Variants in MALRD1 observed in about 807,000 individuals in gnomAD.
MALRD1 encodes the protein MAM and LDL receptor class A domain containing 1, also known as MAM and LDL-receptor class A domain-containing protein 1.
A neutral mutation model predicts 242.1 loss-of-function variants in MALRD1; 247 were observed. The observed-to-expected ratio is 1.02, with a 90% CI of 0.92 to 1.13. The LOEUF (loss-of-function observed/expected upper bound fraction) is 1.13. Ranked by LOEUF, MALRD1 falls within the 50% of genes most tolerant of loss-of-function variation. The pLI, the probability that MALRD1 is intolerant of heterozygous loss-of-function variation, is 0.00. For synonymous variants in MALRD1, 995 were observed against 866.6 expected (o/e 1.15, Z -2.60); for missense variants, 2,989 against 2,533.1 (o/e 1.18, Z -3.86).
chr10:19,701,993 A>G (rs991240766), intron 38 of MALRD1, among the ~76,000 whole-genome samples: 1 of 152,056 alleles, frequency 6.6e-6, no homozygotes, highest in Non-Finnish European at 1.5e-5. Context: ...TTCTTATTTC[A>G]TTGACTGGAC....
chr10:19,693,318 A>G (rs1429069116), intron 38 of MALRD1, among the ~76,000 whole-genome samples: 1 of 152,068 alleles, frequency 6.6e-6, no homozygotes, highest in African/African-American at 2.4e-5. Flanking sequence ...TTGTATATCT[A>G]GAAAACCCCA....
At chr10:19,103,562 A>T (rs374421600) in intron 4 of MALRD1, among the ~76,000 whole-genome samples, 2,149 of 142,656 alleles carry the variant, frequency 0.015, 69 homozygotes, top group African/African-American at 0.053. Context: ...AAAAAAAAAA[A>T]AAATAAATAA....
At chr10:19,720,881 G>A (rs535630016) in intron 38 of MALRD1, among the ~76,000 whole-genome samples, 89 of 152,176 alleles carry the variant, frequency 5.8e-4, no homozygotes, top group African/African-American at 1.9e-3. Flanking sequence ...TTTGAGAAAA[G>A]AAAGATGATA....
chr10:19,615,977 T>A, intron 36 of MALRD1, 54 bp downstream of exon 36: 1 of 1,287,682 alleles, frequency 7.8e-7, no homozygotes, highest in Non-Finnish European at 1.1e-6. Context: ...TTGGCTTACT[T>A]ATTTTTCTAT....
intron 24 of MALRD1, among the ~76,000 whole-genome samples, chr10:19,344,948 T>C (rs1417738690): frequency 6.6e-6 from 1 of 152,088 alleles, no homozygotes; most frequent in Non-Finnish European, 1.5e-5. Context: ...ATCATTGTCT[T>C]CCTGATGGCA....
intron 10 of MALRD1, among the ~76,000 whole-genome samples, chr10:19,142,316 G>A (rs1833579192): frequency 6.6e-6 from 1 of 151,584 alleles, no homozygotes; most frequent in African/African-American, 2.4e-5. Context: ...ATGTAATCCT[G>A]TTAAAATCTA....
intron 26 of MALRD1, among the ~76,000 whole-genome samples, chr10:19,365,667 A>T (rs1712651026): frequency 3.9e-5 from 1 of 25,834 alleles, no homozygotes; most frequent in Admixed American, 3.5e-4. Flanking sequence ...TCTAAAAAAA[A>T]AAAAAAAAAA....
intron 29 of MALRD1, among the ~76,000 whole-genome samples, chr10:19,465,644 C>A (rs908314542): frequency 6.6e-6 from 1 of 152,140 alleles, no homozygotes; most frequent in East Asian, 1.9e-4. Context: ...AATCCTCCCA[C>A]CTCAGCCTCT....
intron 13 of MALRD1, among the ~76,000 whole-genome samples, chr10:19,171,752 G>A (rs915344123): frequency 1.5e-4 from 18 of 120,292 alleles, no homozygotes; most frequent in East Asian, 2.6e-4. Context: ...TATAATATAC[G>A]ATATATATAC....
chr10:19,609,951 G>A (rs1838818875), intron 35 of MALRD1, among the ~76,000 whole-genome samples: 1 of 150,850 alleles, frequency 6.6e-6, no homozygotes, highest in Non-Finnish European at 1.5e-5. Flanking sequence ...TGATAATGGT[G>A]GTGATTATGA....
intron 26 of MALRD1, among the ~76,000 whole-genome samples, chr10:19,361,637 GA>G (rs1279894477): frequency 6.6e-6 from 1 of 152,040 alleles, no homozygotes; most frequent in Non-Finnish European, 1.5e-5. Flanking sequence ...TAATTTCCCA[GA>G]AGTCATCAAG....
At chr10:19,437,958 T>C (rs1311604190) in intron 28 of MALRD1, among the ~76,000 whole-genome samples, 1 of 152,134 alleles carries the variant, frequency 6.6e-6, no homozygotes, top group Non-Finnish European at 1.5e-5. Context: ...TTTGGTAGTT[T>C]CTTTTTGAGA....
At chr10:19,186,163 G>GA (rs751529720) in intron 14 of MALRD1, among the ~76,000 whole-genome samples, 8 of 152,052 alleles carry the variant, frequency 5.3e-5, no homozygotes, top group East Asian at 3.9e-4. Flanking sequence ...TCTCTGTAGG[G>GA]AAAAAAGGCT....
intron 18 of MALRD1, among the ~76,000 whole-genome samples, chr10:19,217,878 A>G (rs975552973): frequency 6.6e-6 from 1 of 152,140 alleles, no homozygotes; most frequent in East Asian, 1.9e-4. Context: ...CACTGAATGC[A>G]GGGACTATTT....
At chr10:19,552,271 C>T (rs918167677) in intron 32 of MALRD1, among the ~76,000 whole-genome samples, 2 of 152,100 alleles carry the variant, frequency 1.3e-5, no homozygotes, top group East Asian at 1.9e-4. Flanking sequence ...TTTCAGAACT[C>T]GTTATTGGCC....
chr10:19,448,761 AAAC>A (rs1273840022), intron 28 of MALRD1, among the ~76,000 whole-genome samples: 1 of 151,980 alleles, frequency 6.6e-6, no homozygotes, highest in South Asian at 2.1e-4. Context: ...TTTTATGTAA[AAAC>A]AATCATAGTT....
intron 16 of MALRD1, 62 bp downstream of exon 16, chr10:19,204,475 C>A: frequency 9.0e-7 from 1 of 1,105,656 alleles, no homozygotes. Flanking sequence ...GAAGTGTTTG[C>A]AGGCATACCT....
Position 19,175,226 on chromosome 10 carries a change from G to A in MALRD1, c.1849G>A (p.Val617Ile). 1 of 1,229,770 alleles carries A rather than the reference G, an allele frequency of 8.1e-7. No homozygotes were observed. The highest frequency in any genetic ancestry group is 1.0e-6 in the Non-Finnish European group (1 of 986,730). The allele number at this position is 1,229,770 out of a possible 1,614,324, so 76.2% of individuals were successfully genotyped here. A position where few individuals can be genotyped will look rare whatever the true frequency, so the allele number is the denominator to read the frequency against. The change falls in exon 14 of 40, where the codon GTT becomes ATT. Residue 617 changes from valine (V) to isoleucine (I), a missense_variant. By Grantham distance (29) the Val-to-Ile change is conservative. Coordinates refer to ENST00000454679, the MANE Select transcript of MALRD1 (RefSeq NM_001142308.3). Reference protein sequence around the residue: ...LPFQLILEATVLSSNATVALD... With the variant: ...LPFQLILEATILSSNATVALD... ...ATTATAGTTAATTTTGGAAGCTACT[G>A]TTTTGTCGTCAAATGCTACCGTTGC... is the stretch of plus-strand genomic sequence containing the variant.
chr10:19,545,606 A>G (rs138521495), intron 32 of MALRD1, among the ~76,000 whole-genome samples: 1 of 151,966 alleles, frequency 6.6e-6, no homozygotes, highest in African/African-American at 2.4e-5. Flanking sequence ...TTTTCCCCGT[A>G]TGTGAATAAA....
Sources: allele counts gnomAD v4.1 joint callset (sites outside exome capture counted in the v4.1 genomes callset), GRCh38; gene constraint gnomAD v4.1.1; transcripts MANE v1.5; gene names NCBI Gene and HGNC (gene_info 2026-07-23, HGNC 2026-07-21).